The following ELAVL4 variants were observed in gnomAD, a reference collection of about 807,000 sequenced individuals.
ELAVL4 encodes ELAV like RNA binding protein 4.
ELAVL4 carries 1 observed loss-of-function variant against 35.6 expected under a neutral mutation model. The observed-to-expected ratio is 0.03, with a 90% CI of 0.01 to 0.13. The LOEUF (loss-of-function observed/expected upper bound fraction) is 0.13, where lower values mean the gene tolerates loss of function less well. Among genes scored for constraint, ELAVL4 ranks in the 10% least tolerant of loss-of-function variants. The probability of loss-of-function intolerance (pLI) is 1.00; values close to 1 mark genes in which losing one functional copy is unlikely to be tolerated. For synonymous variants in ELAVL4, 156 were observed against 171.0 expected (o/e 0.91, Z 0.69); for missense variants, 267 against 464.9 (o/e 0.57, Z 3.91).
At chr1:50,064,879 C>T (rs1664184311) in intron 1 of ELAVL4, among the ~76,000 whole-genome samples, 2 of 152,076 alleles carry the variant, frequency 1.3e-5, no homozygotes, top group African/African-American at 2.4e-5. Flanking sequence ...TCTTGCATCC[C>T]CAAGTGGTGT....
chr1:50,049,376 T>G (rs1663236857), intron 1 of ELAVL4, among the ~76,000 whole-genome samples: 1 of 152,186 alleles, frequency 6.6e-6, no homozygotes, highest in Admixed American at 6.5e-5. Context: ...AAGTTTGATG[T>G]TTTAAGTGAG....
At position 50,148,941 on chromosome 1, in the gene ELAVL4, CAT is replaced by C. The variant is rs776139651; in HGVS notation, c.250+3745_250+3746del. The stretch of plus-strand genomic sequence containing the variant: ...GTGATCAGTATTTTAGGGGAGAAAA[CAT>C]GTGGCTTGACCAGGGCAAGGTTAGG... On this transcript the variant is annotated intron_variant, in intron 2 of 6. Transcript: ENST00000371824. Among the ~76,000 whole-genome samples, 6 of 152,266 alleles carry C rather than the reference CAT, an allele frequency of 3.9e-5. No homozygotes were observed. In the East Asian group the frequency reaches 1.2e-3, roughly 29 times the overall value.
At chr1:50,119,420 A>G (rs1668650327) in intron 1 of ELAVL4, among the ~76,000 whole-genome samples, 1 of 152,112 alleles carries the variant, frequency 6.6e-6, no homozygotes. Flanking sequence ...TGATTTGAGC[A>G]GGCAAATGAG....
intron 3 of ELAVL4, among the ~76,000 whole-genome samples, chr1:50,188,387 T>C (rs1035149530): frequency 6.6e-6 from 1 of 152,124 alleles, no homozygotes; most frequent in Non-Finnish European, 1.5e-5. Context: ...GCCTGGCTCA[T>C]GAAAAAAATC....
chr1:50,097,913 C>A (rs2148510960), intron 1 of ELAVL4, among the ~76,000 whole-genome samples: 1 of 152,216 alleles, frequency 6.6e-6, no homozygotes, highest in East Asian at 1.9e-4. Flanking sequence ...CCCCAAGGTA[C>A]CCATGTGCTA....
At chr1:50,145,250 A>C (rs908997265) in intron 2 of ELAVL4, 53 bp downstream of exon 2, 22 of 1,606,758 alleles carry the variant, frequency 1.4e-5, no homozygotes, top group Admixed American at 1.0e-4. Flanking sequence ...AGATCTTAGC[A>C]GAAATGCACA....
intron 1 of ELAVL4, among the ~76,000 whole-genome samples, chr1:50,085,428 CA>C (rs1465505599): frequency 6.6e-6 from 1 of 152,142 alleles, no homozygotes; most frequent in Admixed American, 6.5e-5. Flanking sequence ...GGCTTGTGGC[CA>C]AGGGTTCTAG....
upstream of ELAVL4, among the ~76,000 whole-genome samples, chr1:50,105,528 C>T (rs1666229522): frequency 6.6e-6 from 1 of 151,922 alleles, no homozygotes; most frequent in Non-Finnish European, 1.5e-5. Context: ...TAGTGTTTCT[C>T]ATGTCACATT....
chr1:50,114,154 G>A (rs1667549566), intron 1 of ELAVL4, among the ~76,000 whole-genome samples: 1 of 152,086 alleles, frequency 6.6e-6, no homozygotes, highest in South Asian at 2.1e-4. Context: ...CAATGTTTGT[G>A]AGCTAAAAGC....
chr1:50,199,330 C>A (rs1284867403), intron 6 of ELAVL4, among the ~76,000 whole-genome samples: 3 of 152,214 alleles, frequency 2.0e-5, no homozygotes, highest in Non-Finnish European at 4.4e-5. Flanking sequence ...ACACCATGCT[C>A]TTCCCTAGTT....
intron 2 of ELAVL4, among the ~76,000 whole-genome samples, chr1:50,156,439 C>G (rs1675769510): frequency 1.3e-5 from 2 of 152,242 alleles, no homozygotes; most frequent in African/African-American, 4.8e-5. Flanking sequence ...GGTGTTAGCC[C>G]TGGGCCAACA....
chr1:50,152,970 C>T (rs890385929), intron 2 of ELAVL4, among the ~76,000 whole-genome samples: 24 of 152,144 alleles, frequency 1.6e-4, no homozygotes, highest in Admixed American at 6.5e-5. Context: ...CTCTGAAATT[C>T]TGTATCACAG....
At chr1:50,110,934 T>G in intron 1 of ELAVL4, among the ~76,000 whole-genome samples, 1 of 151,778 alleles carries the variant, frequency 6.6e-6, no homozygotes, top group East Asian at 1.9e-4. Context: ...AGGGAGCAGG[T>G]GGCTATCATG....
intron 1 of ELAVL4, among the ~76,000 whole-genome samples, chr1:50,062,575 C>T (rs965357953): frequency 6.6e-6 from 1 of 152,124 alleles, no homozygotes; most frequent in Non-Finnish European, 1.5e-5. Context: ...GCCCTGGCCC[C>T]TTGAGGAGCT....
intron 1 of ELAVL4, among the ~76,000 whole-genome samples, chr1:50,069,849 C>T (rs751708884): frequency 4.6e-5 from 7 of 152,196 alleles, no homozygotes; most frequent in Non-Finnish European, 1.5e-5. Context: ...GTAGACCCTT[C>T]TTGTGCTTAC....
intron 1 of ELAVL4, among the ~76,000 whole-genome samples, chr1:50,076,778 C>T (rs547327947): frequency 2.0e-5 from 3 of 152,132 alleles, no homozygotes; most frequent in Middle Eastern, 3.4e-3. Context: ...AAATATTTGA[C>T]GATTATTTAG....
chr1:50,181,354 T>C (rs3001636), intron 3 of ELAVL4: 142,454 of 152,304 alleles, frequency 0.94, 67,390 homozygotes, highest in East Asian at 1. Context: ...GGGCTTCTGC[T>C]ATCAACCTAG....
At chr1:50,145,619 C>G (rs986696863) in intron 2 of ELAVL4, among the ~76,000 whole-genome samples, 13 of 152,254 alleles carry the variant, frequency 8.5e-5, no homozygotes, top group African/African-American at 2.9e-4. Context: ...TTAAAGGGGG[C>G]CACTGTGGAT....
chr1:50,112,375 C>T (rs532904838), intron 1 of ELAVL4, among the ~76,000 whole-genome samples: 28 of 152,122 alleles, frequency 1.8e-4, no homozygotes, highest in African/African-American at 6.3e-4. Flanking sequence ...AAAAAAGACA[C>T]GTGGTTCTGA....
Sources: gnomAD v4.1 joint callset for allele counts (sites outside exome capture counted in the v4.1 genomes callset) on GRCh38, gnomAD v4.1.1 for gene constraint, MANE v1.5 for transcripts, NCBI Gene and HGNC (gene_info 2026-07-23, HGNC 2026-07-21) for gene names.